Variants in CDC42BPA observed in about 807,000 individuals in gnomAD.
The protein encoded by CDC42BPA is serine/threonine-protein kinase MRCK alpha.
Under a neutral mutation model 223.5 loss-of-function variants are expected in CDC42BPA, and 80 were observed. The observed-to-expected ratio is 0.36, with a 90% CI of 0.30 to 0.43. The LOEUF (loss-of-function observed/expected upper bound fraction) is 0.43, where lower values mean the gene tolerates loss of function less well. CDC42BPA is among the 20% of genes least tolerant of loss of function. The pLI, the probability that CDC42BPA is intolerant of heterozygous loss-of-function variation, is 1.00. For missense variants in CDC42BPA, 1,743 were observed against 2,099.9 expected, an observed-to-expected ratio of 0.83 and a Z score of 3.32; for synonymous variants, 694 against 718.6, an observed-to-expected ratio of 0.97 and a Z score of 0.55.
chr1:227,044,548 C>T lies in CDC42BPA; in HGVS notation c.3093+3379G>A, dbSNP rs1368290455. On this transcript the variant is annotated intron_variant, in intron 23 of 36. Coordinates refer to ENST00000366766, the MANE Select transcript of CDC42BPA (RefSeq NM_001394014.1). The stretch of plus-strand genomic sequence containing the variant: ...TTCCTACAGGCAATTTCATTTAACT[C>T]TCCTTTTTTAAAAGCTATTTCCCTC... 6.6e-5 allele frequency among the ~76,000 whole-genome samples: 10 copies of T among 152,102 alleles called. No homozygotes were observed. In the East Asian group the frequency reaches 1.7e-3, roughly 26 times the overall value.
At chr1:227,090,178 T>C (rs1041086780) in intron 16 of CDC42BPA, among the ~76,000 whole-genome samples, 1 of 152,246 alleles carries the variant, frequency 6.6e-6, no homozygotes, top group Non-Finnish European at 1.5e-5. Context: ...CAAGACTTTA[T>C]GATGTGAACA....
intron 17 of CDC42BPA, 26 bp downstream of exon 17, chr1:227,080,866 CA>C: frequency 1.2e-6 from 2 of 1,612,096 alleles, no homozygotes; most frequent in Non-Finnish European, 1.7e-6. Context: ...CAATCATCCA[CA>C]AAAAAACGTT....
At chr1:227,271,082 G>T in intron 1 of CDC42BPA, among the ~76,000 whole-genome samples, 1 of 152,080 alleles carries the variant, frequency 6.6e-6, no homozygotes. Flanking sequence ...GTCCCTCAAT[G>T]GGTTAAAAAT....
At chr1:227,134,130 C>A (rs1439517751) in intron 10 of CDC42BPA, among the ~76,000 whole-genome samples, 1 of 152,178 alleles carries the variant, frequency 6.6e-6, no homozygotes, top group African/African-American at 2.4e-5. Context: ...AAATGCCAAT[C>A]AATGTGTTCC....
intron 17 of CDC42BPA, among the ~76,000 whole-genome samples, chr1:227,074,906 T>C (rs982883838): frequency 6.6e-6 from 1 of 152,234 alleles, no homozygotes; most frequent in African/African-American, 2.4e-5. Flanking sequence ...CAAAACCTAA[T>C]TTCTACTTAC....
At chr1:227,184,448 C>T (rs1463470364) in intron 5 of CDC42BPA, among the ~76,000 whole-genome samples, 1 of 151,474 alleles carries the variant, frequency 6.6e-6, no homozygotes, top group Non-Finnish European at 1.5e-5. Flanking sequence ...TTTGCTTTTG[C>T]ACCTTTCTCA....
Position 227,139,609 on chromosome 1 carries a change from G to A in CDC42BPA, c.1357C>T (p.Gln453Ter). ...AYERRIKRLE[Q>*]EKLELSRKLQ... Reference sequence around the variant, plus strand: ...TTTCTACTGAGTTCAAGTTTTTCTTGCTCAAGGCGCTTAATTCTTCTTTCA... The same window carrying A: ...TTTCTACTGAGTTCAAGTTTTTCTTACTCAAGGCGCTTAATTCTTCTTTCA... The change falls in exon 10 of 37, where the codon CAA becomes TAA. Residue 453 changes from glutamine to a stop codon, truncating the protein, a stop_gained. Transcript: ENST00000366766. LOFTEE classifies it high-confidence loss of function. 1 of 1,602,860 alleles carries A rather than the reference G, an allele frequency of 6.2e-7. No homozygotes were observed. Among genetic ancestry groups the A allele is most frequent in the Non-Finnish European group, 8.5e-7 (1 of 1,176,174 alleles).
At position 227,000,293 on chromosome 1, in the gene CDC42BPA, T is replaced by C. The variant is rs534671297; in HGVS notation, c.4975+4701A>G. ...GACATATTTCTTGGGAAATATACTC[T>C]TTACTTTTTTGATGTGGAACGTGTG... On this transcript the variant is annotated intron_variant, in intron 35 of 36. Transcript: ENST00000366766. 2.0e-5 allele frequency among the ~76,000 whole-genome samples: 3 copies of C among 152,286 alleles called. No individual in the cohort carries two copies. In the East Asian group the frequency reaches 5.8e-4, roughly 29 times the overall value.
intron 11 of CDC42BPA, 107 bp from the exon 12 acceptor site, chr1:227,120,044 T>C (rs1046327696): frequency 3.9e-6 from 3 of 765,600 alleles, no homozygotes; most frequent in African/African-American, 3.5e-5. Context: ...TTCAATTTAG[T>C]GTTAGATCTG....
rs1358167238 is a variant in CDC42BPA, at chr1:226,993,849, G to A, written c.*419C>T. 1 of 161,164 alleles carries A rather than the reference G, an allele frequency of 6.2e-6. No homozygotes were observed. The highest frequency in any genetic ancestry group is 1.9e-4 in the East Asian group (1 of 5,366). 10.0% of individuals were successfully genotyped at this position (161,164 alleles called of 1,614,324 possible). A position where few individuals can be genotyped will look rare whatever the true frequency, so the allele number is the denominator to read the frequency against. ...TTAAGAGCTTAGTGAGCCACTCCAG[G>A]GACCAATTCTCCCTTCTGGATGCGG... is the stretch of plus-strand genomic sequence containing the variant. On this transcript the variant is annotated 3_prime_UTR_variant, in exon 37 of 37. Transcript: ENST00000366766.
chr1:227,203,735 T>C (rs73094331), intron 3 of CDC42BPA, among the ~76,000 whole-genome samples: 8,575 of 152,286 alleles, frequency 0.056, 796 homozygotes, highest in African/African-American at 0.19. Context: ...AGTGATGTTT[T>C]CAACTGTTAT....
At chr1:227,157,634 T>C (rs73086752) in intron 6 of CDC42BPA, among the ~76,000 whole-genome samples, 24,185 of 152,132 alleles carry the variant, frequency 0.16, 2,361 homozygotes, top group African/African-American at 0.26. Context: ...TTTGGGAAGG[T>C]TGAGCCATTA....
chr1:227,061,514 T>A (rs1423943107), intron 21 of CDC42BPA, among the ~76,000 whole-genome samples: 1 of 145,512 alleles, frequency 6.9e-6, no homozygotes, highest in African/African-American at 2.5e-5. Context: ...GCCAGATTTC[T>A]GAAAAATGGT....
intron 2 of CDC42BPA, among the ~76,000 whole-genome samples, chr1:227,236,626 C>A (rs777317287): frequency 4.5e-4 from 69 of 152,112 alleles, no homozygotes; most frequent in Admixed American, 2.4e-3. Context: ...TATGTTTATA[C>A]AATGATAAAG....
At chr1:227,269,639 C>G (rs1177709658) in intron 1 of CDC42BPA, among the ~76,000 whole-genome samples, 1 of 151,884 alleles carries the variant, frequency 6.6e-6, no homozygotes, top group African/African-American at 2.4e-5. Flanking sequence ...AAAAAATTAA[C>G]ACATAGAACA....
At chr1:227,280,547 T>C (rs551763772) in intron 1 of CDC42BPA, among the ~76,000 whole-genome samples, 2 of 152,348 alleles carry the variant, frequency 1.3e-5, no homozygotes, top group South Asian at 4.1e-4. Flanking sequence ...GCTAAAGACC[T>C]GAAAATTGAT....
intron 29 of CDC42BPA, 75 bp from the exon 30 acceptor site, chr1:227,029,325 G>A (rs962048217): frequency 1.0e-6 from 1 of 974,420 alleles, no homozygotes; most frequent in Non-Finnish European, 1.5e-6. Flanking sequence ...TCAAAAGGAT[G>A]TAAGTCAACT....
At position 227,194,330 on chromosome 1, in the gene CDC42BPA, T is replaced by C. The variant is rs1428321185; in HGVS notation, c.451-396A>G. ...AAAACTTGGAATACAGGATAGTCCC[T>C]ACATTGAAAGAAATTCATATTATCA... On this transcript the variant is annotated intron_variant, in intron 4 of 36. Coordinates refer to ENST00000366766, the MANE Select transcript of CDC42BPA (RefSeq NM_001394014.1). Among the ~76,000 whole-genome samples the C allele has an allele frequency of 2.0e-5, 3 of 152,140 alleles. No individual in the cohort carries two copies. In the East Asian group the frequency reaches 5.8e-4, roughly 29 times the overall value.
At chr1:227,024,771 T>G (rs1386550021) in intron 31 of CDC42BPA, among the ~76,000 whole-genome samples, 1 of 152,156 alleles carries the variant, frequency 6.6e-6, no homozygotes, top group East Asian at 1.9e-4. Flanking sequence ...TATGCAAAAA[T>G]TCTGTATTTT....
Sources: gnomAD v4.1 joint callset for allele counts (sites outside exome capture counted in the v4.1 genomes callset) on GRCh38, gnomAD v4.1.1 for gene constraint, MANE v1.5 for transcripts, NCBI Gene and HGNC (gene_info 2026-07-23, HGNC 2026-07-21) for gene names.